STOX2: variants seen among roughly 807,000 people sequenced by gnomAD.
The protein encoded by STOX2 is storkhead box 2.
STOX2 carries 28 observed loss-of-function variants against 60.9 expected under a neutral mutation model. The ratio of observed to expected loss-of-function variants is 0.46; its 90% CI spans 0.34 to 0.63. STOX2 has a LOEUF of 0.63. STOX2 is among the 30% of genes least tolerant of loss of function. The pLI, the probability that STOX2 is intolerant of heterozygous loss-of-function variation, is 0.01. For synonymous variants in STOX2, 472 were observed against 463.9 expected, an observed-to-expected ratio of 1.02 and a Z score of -0.22; for missense variants, 1,024 against 1,187.7, an observed-to-expected ratio of 0.86 and a Z score of 2.03.
Position 183,941,197 on chromosome 4 carries a change from C to T in STOX2, c.166+34241C>T, listed in dbSNP as rs78230203. ...CCATGTGCTGATGGAGCCTTTGAGTCGTATGTATTTGTTCATAATATTCAT... is the reference window on the plus strand; with the variant it reads ...CCATGTGCTGATGGAGCCTTTGAGTTGTATGTATTTGTTCATAATATTCAT... On this transcript the variant is annotated intron_variant, in intron 1 of 3. Coordinates refer to ENST00000308497, the MANE Select transcript of STOX2 (RefSeq NM_020225.3). Among the ~76,000 whole-genome samples, 16 of 152,258 alleles carry T rather than the reference C, an allele frequency of 1.1e-4. No homozygotes were observed. In the East Asian group the frequency reaches 3.1e-3, roughly 29 times the overall value.
intron 1 of STOX2, among the ~76,000 whole-genome samples, chr4:183,874,050 G>A (rs1740756181): frequency 6.6e-6 from 1 of 152,122 alleles, no homozygotes; most frequent in Non-Finnish European, 1.5e-5. Flanking sequence ...TGTGGCCTGT[G>A]GCTCCCATAA....
At chr4:183,996,601 A>G (rs149011027) in intron 1 of STOX2, among the ~76,000 whole-genome samples, 10 of 152,316 alleles carry the variant, frequency 6.6e-5, no homozygotes, top group Non-Finnish European at 1.5e-4. Flanking sequence ...GCAGGTTTAT[A>G]TAAGATCCAC....
chr4:184,006,639 G>T (rs1733839339), intron 2 of STOX2, among the ~76,000 whole-genome samples: 1 of 124,752 alleles, frequency 8.0e-6, no homozygotes, highest in Non-Finnish European at 1.6e-5. Context: ...AGTGAGCTGA[G>T]ATCTTGTCAC....
At chr4:183,914,881 C>T (rs1741886576) in intron 1 of STOX2, among the ~76,000 whole-genome samples, 1 of 152,158 alleles carries the variant, frequency 6.6e-6, no homozygotes, top group Non-Finnish European at 1.5e-5. Flanking sequence ...TTAGTGTTCT[C>T]ATCTATTCAG....
chr4:184,013,414 G>A (rs2111255732), intron 3 of STOX2, among the ~76,000 whole-genome samples: 1 of 152,268 alleles, frequency 6.6e-6, no homozygotes. Context: ...TAAGTGTTTT[G>A]TCATGGCAGA....
intron 1 of STOX2, among the ~76,000 whole-genome samples, chr4:183,941,704 C>G (rs1285515231): frequency 6.6e-6 from 1 of 152,120 alleles, no homozygotes; most frequent in Non-Finnish European, 1.5e-5. Context: ...GTGCCTGGCA[C>G]ACAGTCATTA....
chr4:183,962,119 T>C (rs1743430404), intron 1 of STOX2, among the ~76,000 whole-genome samples: 1 of 152,252 alleles, frequency 6.6e-6, no homozygotes, highest in African/African-American at 2.4e-5. Context: ...AAACATGCTT[T>C]TCTAATTAAA....
At position 184,009,043 on chromosome 4, in the gene STOX2, A is replaced by T. The variant is rs759999735; in HGVS notation, c.320-115A>T. The T allele has an allele frequency of 2.0e-5, 16 of 802,442 alleles. No individual in the cohort carries two copies. Among genetic ancestry groups the T allele is most frequent in the Admixed American group, 1.2e-4 (4 of 32,456 alleles). The allele number at this position is 802,442 out of a possible 1,614,324, so 49.7% of individuals were successfully genotyped here. Reference sequence around the variant, plus strand: ...ATGAACACCTTTGTCTGAATTGTGCATCCTAGCTCTGTGATGGTACTTCGC... The same window carrying T: ...ATGAACACCTTTGTCTGAATTGTGCTTCCTAGCTCTGTGATGGTACTTCGC... On this transcript the variant is annotated intron_variant, in intron 2 of 3. Coordinates refer to ENST00000308497, the MANE Select transcript of STOX2 (RefSeq NM_020225.3). This position sits in a 1 kb window ranked among gnomAD's most constrained non-coding sequence, Gnocchi z 4.0.
intron 1 of STOX2, among the ~76,000 whole-genome samples, chr4:183,925,817 ATTAT>A (rs1035150937): frequency 5.7e-4 from 87 of 152,352 alleles, no homozygotes; most frequent in African/African-American, 2.0e-3. Context: ...GAATGGATAA[ATTAT>A]TTATAATTAG....
chr4:183,966,929 C>G (rs946771537), intron 1 of STOX2, among the ~76,000 whole-genome samples: 1 of 152,300 alleles, frequency 6.6e-6, no homozygotes, highest in Non-Finnish European at 1.5e-5. Flanking sequence ...TCCCTGATTT[C>G]ATTCATGAAA....
intron 1 of STOX2, among the ~76,000 whole-genome samples, chr4:183,881,869 C>A (rs181749071): frequency 6.6e-6 from 1 of 152,100 alleles, no homozygotes. Context: ...TATCATAGAT[C>A]GAGACATCTT....
In STOX2 at chr4:183,905,973, C is replaced by T. The variant is rs1023915096; in HGVS notation, c.-818C>T. The T allele has an allele frequency of 2.0e-5, 3 of 152,300 alleles. No individual in the cohort carries two copies. Among genetic ancestry groups the T allele is most frequent in the African/African-American group, 7.2e-5 (3 of 41,448 alleles). 9.4% of individuals were successfully genotyped at this position (152,300 alleles called of 1,614,324 possible). ...ACCCAGCCATCCACCCGCGCGCACG[C>T]ACAGCGCCCGGAGCCTCGGCAAGGG... On this transcript the variant is annotated 5_prime_UTR_variant, in exon 1 of 4. Coordinates refer to ENST00000308497, the MANE Select transcript of STOX2 (RefSeq NM_020225.3).
rs1030475540 is a variant in STOX2, at chr4:183,825,389, C to G, written c.364+27334C>G. ...AGCGGTCAGCCTTCACACAGCTGGG[C>G]CATCCCTCGTGTGGCGCGTGCTGCA... On this transcript the variant is annotated intron_variant, in intron 1 of 2. Coordinates refer to the STOX2 transcript ENST00000513034. This position sits in a 1 kb window ranked among gnomAD's most constrained non-coding sequence, Gnocchi z 4.1. Among the ~76,000 whole-genome samples the G allele has an allele frequency of 6.8e-6, 1 of 147,320 alleles. No individual in the cohort carries two copies. The highest frequency in any genetic ancestry group is 2.7e-5 in the African/African-American group (1 of 36,814).
chr4:183,900,358 C>T (rs1355489348), upstream of STOX2, among the ~76,000 whole-genome samples: 1 of 152,060 alleles, frequency 6.6e-6, no homozygotes, highest in Non-Finnish European at 1.5e-5. Flanking sequence ...CTGTAGCTGC[C>T]ATAGATCATG....
Position 183,819,509 on chromosome 4 carries a change from C to T in STOX2, c.364+21454C>T, listed in dbSNP as rs1012676563. 2.9e-5 allele frequency among the ~76,000 whole-genome samples: 4 copies of T among 139,442 alleles called. No individual in the cohort carries two copies. In the East Asian group the frequency reaches 9.7e-4, roughly 34 times the overall value. The allele number at this position is 139,442 out of a possible 152,430, so 91.5% of individuals were successfully genotyped here. A position where few individuals can be genotyped will look rare whatever the true frequency, so the allele number is the denominator to read the frequency against. On this transcript the variant is annotated intron_variant, in intron 1 of 2. Transcript: ENST00000513034. ...AGATGGTGGCAGTACAGTCCTGCTT[C>T]GGCTGGGCATCAGAGGGAGACCGTG...
chr4:183,862,410 G>A (rs1008508676), intron 1 of STOX2, among the ~76,000 whole-genome samples: 2 of 152,108 alleles, frequency 1.3e-5, no homozygotes, highest in South Asian at 2.1e-4. Context: ...TGCCTACCTC[G>A]GCCTCCCAAA....
intron 1 of STOX2, among the ~76,000 whole-genome samples, chr4:183,872,877 A>C (rs1166970625): frequency 6.6e-6 from 1 of 152,088 alleles, no homozygotes; most frequent in African/African-American, 2.4e-5. Context: ...TTAGTCCGTC[A>C]TCTTTGTGTT....
intron 1 of STOX2, among the ~76,000 whole-genome samples, chr4:183,967,760 A>G (rs548780636): frequency 7.2e-5 from 11 of 152,380 alleles, no homozygotes; most frequent in African/African-American, 2.2e-4. Flanking sequence ...AAGATCATCA[A>G]CTTTGGGTTA....
At chr4:183,898,641 C>A (rs908893388) in intron 1 of STOX2, among the ~76,000 whole-genome samples, 1 of 152,062 alleles carries the variant, frequency 6.6e-6, no homozygotes. Flanking sequence ...TGGGTGGAAT[C>A]CAGAGAACAC....
Sources: allele counts gnomAD v4.1 joint callset (sites outside exome capture counted in the v4.1 genomes callset), GRCh38; gene constraint gnomAD v4.1.1; non-coding constraint Gnocchi (gnomAD v3.1); transcripts MANE v1.5; gene names NCBI Gene and HGNC (gene_info 2026-07-23, HGNC 2026-07-21).